Variants in RAD51B observed in about 807,000 individuals in gnomAD.
RAD51B encodes the protein DNA repair protein RAD51 homolog 2.
Under a neutral mutation model 42.2 loss-of-function variants are expected in RAD51B, and 38 were observed. The observed-to-expected ratio is 0.90, with a 90% CI of 0.70 to 1.18. RAD51B has a LOEUF of 1.18. Among genes scored for constraint, RAD51B ranks in the 50% most tolerant of loss-of-function variants. RAD51B has a pLI of 0.00. For missense variants in RAD51B, 373 were observed against 400.7 expected (o/e 0.93, Z 0.59); for synonymous variants, 154 against 145.2 (o/e 1.06, Z -0.43).
Position 68,085,251 on chromosome 14 carries a change from T to C in RAD51B, c.756+198047T>C, listed in dbSNP as rs182147027. ...ATTGTACCTCCTGTTCTTTAGACAGTGTCTGCATTTCTAGAGACACAGAGA... is the reference window on the plus strand; with the variant it reads ...ATTGTACCTCCTGTTCTTTAGACAGCGTCTGCATTTCTAGAGACACAGAGA... On this transcript the variant is annotated intron_variant, in intron 7 of 10. Transcript: ENST00000471583. Among the ~76,000 whole-genome samples, 239 of 152,314 alleles carry C rather than the reference T, an allele frequency of 1.6e-3. 1 individual carries two copies. The highest frequency in any genetic ancestry group is 2.6e-3 in the Non-Finnish European group (176 of 68,020).
intron 7 of RAD51B, among the ~76,000 whole-genome samples, chr14:68,137,342 T>C (rs2078032407): frequency 6.6e-6 from 1 of 152,216 alleles, no homozygotes; most frequent in African/African-American, 2.4e-5. Flanking sequence ...AGTTTCAGTT[T>C]CCTATTGCTA....
intron 9 of RAD51B, among the ~76,000 whole-genome samples, chr14:68,420,848 G>T (rs2084680715): frequency 6.6e-6 from 1 of 152,200 alleles, no homozygotes; most frequent in African/African-American, 2.4e-5. Context: ...TTGTTTTCAA[G>T]ACAGAGTCAC....
chr14:68,483,029 G>A (rs1335195498), downstream of RAD51B, among the ~76,000 whole-genome samples: 1 of 150,048 alleles, frequency 6.7e-6, no homozygotes, highest in Non-Finnish European at 1.5e-5. Context: ...GAAGGGAAAG[G>A]TGGATGGGGG....
intron 7 of RAD51B, among the ~76,000 whole-genome samples, chr14:68,007,581 G>A (rs956017590): frequency 1.3e-5 from 2 of 151,818 alleles, no homozygotes; most frequent in African/African-American, 4.8e-5. Flanking sequence ...GTATATCATG[G>A]TTTTGATTTT....
intron 4 of RAD51B, among the ~76,000 whole-genome samples, chr14:67,838,297 C>T (rs939963237): frequency 7.2e-5 from 11 of 152,006 alleles, no homozygotes; most frequent in African/African-American, 2.4e-4. Flanking sequence ...ATCATACATG[C>T]GCATGCACAT....
intron 4 of RAD51B, among the ~76,000 whole-genome samples, chr14:67,843,732 G>C (rs1272218030): frequency 1.2e-4 from 1 of 8,242 alleles, no homozygotes. Context: ...TGTTTATTTG[G>C]ATCTTTTTTT....
chr14:68,538,080 A>G (rs1887745150), intron 10 of RAD51B, among the ~76,000 whole-genome samples: 1 of 152,200 alleles, frequency 6.6e-6, no homozygotes, highest in Admixed American at 6.5e-5. Flanking sequence ...CCCACGCTTC[A>G]AAGAGCCTAA....
chr14:67,987,236 TTGAG>T (rs1235635639), intron 7 of RAD51B, among the ~76,000 whole-genome samples: 1 of 152,216 alleles, frequency 6.6e-6, no homozygotes, highest in African/African-American at 2.4e-5. Flanking sequence ...TAAGTTATTA[TTGAG>T]TATCGTTACC....
At chr14:68,270,812 AT>A (rs964305570) in intron 7 of RAD51B, among the ~76,000 whole-genome samples, 1 of 150,952 alleles carries the variant, frequency 6.6e-6, no homozygotes, top group African/African-American at 2.4e-5. Context: ...CTATGTGTGT[AT>A]TTTTTTTTAT....
intron 7 of RAD51B, among the ~76,000 whole-genome samples, chr14:68,082,814 C>T (rs2076931667): frequency 6.6e-6 from 1 of 151,934 alleles, no homozygotes; most frequent in Non-Finnish European, 1.5e-5. Context: ...AATTCATTTC[C>T]TAATTTAGTC....
At chr14:68,258,409 A>AC in intron 7 of RAD51B, among the ~76,000 whole-genome samples, 2 of 139,058 alleles carry the variant, frequency 1.4e-5, no homozygotes, top group African/African-American at 5.5e-5. Context: ...CACACACACC[A>AC]CACACACACA....
chr14:68,325,232 T>G (rs1207599255), intron 8 of RAD51B, among the ~76,000 whole-genome samples: 2 of 152,178 alleles, frequency 1.3e-5, no homozygotes, highest in Non-Finnish European at 2.9e-5. Context: ...TAAGATATGT[T>G]TTTGAGGGTT....
intron 10 of RAD51B, among the ~76,000 whole-genome samples, chr14:68,504,506 A>G (rs1469398127): frequency 6.6e-6 from 1 of 152,192 alleles, no homozygotes; most frequent in Non-Finnish European, 1.5e-5. Context: ...GCCTCTGATC[A>G]TGAAGACTGG....
intron 10 of RAD51B, among the ~76,000 whole-genome samples, chr14:68,590,973 A>G (rs1334305586): frequency 6.6e-6 from 1 of 152,134 alleles, no homozygotes; most frequent in East Asian, 1.9e-4. Flanking sequence ...CCAGGCAGCC[A>G]TGGACCCCTC....
chr14:68,633,910 G>A (rs548406744), intron 10 of RAD51B, among the ~76,000 whole-genome samples: 14 of 152,346 alleles, frequency 9.2e-5, no homozygotes, highest in African/African-American at 3.4e-4. Flanking sequence ...TCACTTGGGT[G>A]GTAGCCAGAA....
At chr14:68,288,397 A>G (rs1171491396) in intron 7 of RAD51B, among the ~76,000 whole-genome samples, 1 of 152,232 alleles carries the variant, frequency 6.6e-6, no homozygotes, top group East Asian at 1.9e-4. Context: ...CATGTAATTA[A>G]AAGGGAGAGG....
chr14:68,147,302 G>A (rs1356972024), intron 7 of RAD51B, among the ~76,000 whole-genome samples: 1 of 152,130 alleles, frequency 6.6e-6, no homozygotes, highest in African/African-American at 2.4e-5. Flanking sequence ...TTAAAAATTA[G>A]TTCTATGCTC....
At chr14:68,610,038 C>T (rs1891614160) in intron 10 of RAD51B, among the ~76,000 whole-genome samples, 1 of 152,126 alleles carries the variant, frequency 6.6e-6, no homozygotes, top group African/African-American at 2.4e-5. Flanking sequence ...CCATGAGCCC[C>T]CGATTTCCAG....
At chr14:68,676,164 G>A (rs572790814) in intron 11 of RAD51B, among the ~76,000 whole-genome samples, 1 of 152,176 alleles carries the variant, frequency 6.6e-6, no homozygotes, top group Non-Finnish European at 1.5e-5. Context: ...CAACTCAAAC[G>A]CATGAGTTCA....
Sources: gnomAD v4.1 joint callset for allele counts (sites outside exome capture counted in the v4.1 genomes callset) on GRCh38, gnomAD v4.1.1 for gene constraint, MANE v1.5 for transcripts, NCBI Gene and HGNC (gene_info 2026-07-23, HGNC 2026-07-21) for gene names.